The following NEGR1 variants were observed in gnomAD, a reference collection of about 807,000 sequenced individuals.
The protein encoded by NEGR1 is IgLON family member 4.
Under a neutral mutation model 40.9 loss-of-function variants are expected in NEGR1, and 10 were observed. That is an observed-to-expected ratio of 0.24 (90% CI 0.15 to 0.42). NEGR1 has a LOEUF of 0.42. Ranked by LOEUF, NEGR1 falls within the 10% of genes least tolerant of loss-of-function variation. The probability of loss-of-function intolerance (pLI) is 1.00; values close to 1 mark genes in which losing one functional copy is unlikely to be tolerated. For synonymous variants in NEGR1, 185 were observed against 166.8 expected (o/e 1.11, Z -0.84); for missense variants, 352 against 438.9 (o/e 0.80, Z 1.77).
At chr1:72,140,681 C>T (rs920071483) in intron 1 of NEGR1, among the ~76,000 whole-genome samples, 5 of 151,696 alleles carry the variant, frequency 3.3e-5, no homozygotes, top group Admixed American at 6.6e-5. Context: ...GTTTTTCAAT[C>T]GAAATAAAAT....
intron 1 of NEGR1, among the ~76,000 whole-genome samples, chr1:72,186,268 T>C (rs948821888): frequency 6.6e-6 from 1 of 151,808 alleles, no homozygotes; most frequent in East Asian, 1.9e-4. Flanking sequence ...TTGTAAAACA[T>C]TAACTATAAT....
chr1:71,814,756 T>C (rs1353077054), intron 2 of NEGR1, among the ~76,000 whole-genome samples: 1 of 152,284 alleles, frequency 6.6e-6, no homozygotes, highest in South Asian at 2.1e-4. Flanking sequence ...TCCGTGGTGA[T>C]ATCCCCTGTA....
At chr1:71,714,294 C>T (rs1024637907) in intron 3 of NEGR1, among the ~76,000 whole-genome samples, 6 of 152,126 alleles carry the variant, frequency 3.9e-5, no homozygotes, top group South Asian at 2.1e-4. Context: ...CCCTTTACAC[C>T]TGGGGATTAT....
At chr1:71,722,613 G>C (rs193288183) in intron 3 of NEGR1, among the ~76,000 whole-genome samples, 66 of 152,100 alleles carry the variant, frequency 4.3e-4, no homozygotes, top group Middle Eastern at 6.8e-3. Context: ...TGGGTTTTTT[G>C]TTAATTGGTC....
chr1:71,751,196 A>T (rs923411952), intron 3 of NEGR1, among the ~76,000 whole-genome samples: 3 of 152,038 alleles, frequency 2.0e-5, no homozygotes, highest in African/African-American at 4.8e-5. Context: ...TCTCCCCTTC[A>T]ATAAGAGATG....
At chr1:71,487,426 C>G (rs192484246) in intron 6 of NEGR1, among the ~76,000 whole-genome samples, 1 of 151,586 alleles carries the variant, frequency 6.6e-6, no homozygotes. Flanking sequence ...AGTTGTAGCC[C>G]CTCTGATTAT....
At chr1:72,124,452 C>T (rs982463158) in intron 1 of NEGR1, among the ~76,000 whole-genome samples, 5 of 151,934 alleles carry the variant, frequency 3.3e-5, no homozygotes, top group African/African-American at 1.2e-4. Context: ...TACAAGGCAA[C>T]AGAACAGCCA....
intron 3 of NEGR1, among the ~76,000 whole-genome samples, chr1:71,745,345 A>AAAAC (rs943962116): frequency 1.1e-4 from 16 of 152,270 alleles, no homozygotes; most frequent in East Asian, 3.9e-4. Context: ...TCTCTGGACT[A>AAAAC]AAACAAACAA....
At chr1:71,796,497 T>A (rs1657331651) in intron 2 of NEGR1, among the ~76,000 whole-genome samples, 1 of 152,158 alleles carries the variant, frequency 6.6e-6, no homozygotes. Flanking sequence ...TGGAGTGAGA[T>A]CAAAAGCTAC....
chr1:71,902,095 G>A (rs902692371), intron 2 of NEGR1, among the ~76,000 whole-genome samples: 7 of 152,128 alleles, frequency 4.6e-5, no homozygotes, highest in Admixed American at 3.3e-4. Context: ...CAAGCAGTCT[G>A]GGGAAATTAA....
chr1:71,447,710 A>G (rs1012046046), intron 6 of NEGR1, among the ~76,000 whole-genome samples: 8 of 152,136 alleles, frequency 5.3e-5, no homozygotes, highest in African/African-American at 1.7e-4. Flanking sequence ...CTCCCTGTTT[A>G]TACATTTTCT....
Position 72,085,862 on chromosome 1 carries a change from C to T in NEGR1, c.177-150551G>A, listed in dbSNP as rs564197015. Among the ~76,000 whole-genome samples the T allele has an allele frequency of 1.0e-3, 155 of 149,338 alleles. 1 individual carries two copies. Among genetic ancestry groups the T allele is most frequent in the African/African-American group, 3.5e-3 (143 of 40,614 alleles). On this transcript the variant is annotated intron_variant, in intron 1 of 6. Transcript: ENST00000357731. ...GTGTGCACCTGTAGACCCAGCTACT[C>T]GGGAGGCTGAGGGAGGAGAATCGCT...
chr1:71,729,009 T>A (rs1023815154), intron 3 of NEGR1, among the ~76,000 whole-genome samples: 1 of 152,064 alleles, frequency 6.6e-6, no homozygotes, highest in Non-Finnish European at 1.5e-5. Flanking sequence ...GGAAACTTTT[T>A]TTTTACCACG....
chr1:71,503,877 C>G (rs1202471990), intron 6 of NEGR1, among the ~76,000 whole-genome samples: 1 of 151,226 alleles, frequency 6.6e-6, no homozygotes, highest in Non-Finnish European at 1.5e-5. Context: ...AAGGCAACAC[C>G]CTCCGGGCAA....
rs552745007 is a variant in NEGR1 at position 71,844,598 on chromosome 1, G to A, written c.410-68301C>T. Among the ~76,000 whole-genome samples, 16 of 152,210 alleles carry A rather than the reference G, an allele frequency of 1.1e-4. 1 individual carries two copies. In the South Asian group the frequency reaches 1.9e-3, roughly 18 times the overall value. ...TTCACATGGAAGCTGTCCTTGACCC[G>A]TTTGCACGTATTGAAACCACTCTGA... On this transcript the variant is annotated intron_variant, in intron 2 of 6. Coordinates refer to ENST00000357731, the MANE Select transcript of NEGR1 (RefSeq NM_173808.3).
chr1:71,732,007 A>G (rs1654888818), intron 3 of NEGR1, among the ~76,000 whole-genome samples: 1 of 152,166 alleles, frequency 6.6e-6, no homozygotes, highest in Admixed American at 6.5e-5. Context: ...ATTGGTGTTT[A>G]TTATCAATGA....
At chr1:71,407,756 G>T (rs1169932248) in intron 6 of NEGR1, 186 bp from the exon 7 acceptor site, 1 of 529,698 alleles carries the variant, frequency 1.9e-6, no homozygotes, top group African/African-American at 1.9e-5. Context: ...CAGAGCTTCA[G>T]TTTTCTCAAG....
At chr1:71,580,599 T>C (rs1649104597) in intron 6 of NEGR1, among the ~76,000 whole-genome samples, 1 of 152,096 alleles carries the variant, frequency 6.6e-6, no homozygotes, top group Non-Finnish European at 1.5e-5. Context: ...AATAGAATCA[T>C]TCCTACATCA....
chr1:71,624,051 C>T (rs1243522425), intron 4 of NEGR1, among the ~76,000 whole-genome samples: 4 of 151,860 alleles, frequency 2.6e-5, no homozygotes, highest in Non-Finnish European at 5.9e-5. Flanking sequence ...CTGATACTCT[C>T]CTTATAATCT....
Sources: gnomAD v4.1 joint callset for allele counts (sites outside exome capture counted in the v4.1 genomes callset) on GRCh38, gnomAD v4.1.1 for gene constraint, MANE v1.5 for transcripts, NCBI Gene and HGNC (gene_info 2026-07-23, HGNC 2026-07-21) for gene names.